The following SKAP2 variants were observed in gnomAD, a reference collection of about 807,000 sequenced individuals.
SKAP2 encodes the protein src kinase associated phosphoprotein 2, also known as src kinase-associated phosphoprotein 2.
Under a neutral mutation model 54.9 loss-of-function variants are expected in SKAP2, and 28 were observed. That is an observed-to-expected ratio of 0.51 (90% CI 0.38 to 0.70). SKAP2 has a LOEUF of 0.70. SKAP2 is among the 30% of genes least tolerant of loss of function. The pLI is 0.00. For missense variants in SKAP2, 356 were observed against 424.1 expected (o/e 0.84, Z 1.41); for synonymous variants, 137 against 134.3 (o/e 1.02, Z -0.14).
At chr7:26,763,711 A>C (rs1434230799) in intron 4 of SKAP2, among the ~76,000 whole-genome samples, 1 of 152,174 alleles carries the variant, frequency 6.6e-6, no homozygotes, top group Admixed American at 6.5e-5. Context: ...ATACATCATT[A>C]GGTGATTTTG....
chr7:26,680,190 G>A (rs1317427738), intron 11 of SKAP2, among the ~76,000 whole-genome samples: 1 of 152,140 alleles, frequency 6.6e-6, no homozygotes, highest in Non-Finnish European at 1.5e-5. Context: ...AATTAATGAT[G>A]AGTACAGATT....
intron 4 of SKAP2, among the ~76,000 whole-genome samples, chr7:26,759,889 G>A (rs1456128522): frequency 6.6e-6 from 1 of 152,088 alleles, no homozygotes; most frequent in East Asian, 1.9e-4. Flanking sequence ...AAAAGTGACA[G>A]TACTCAGCTA....
At chr7:26,857,634 C>G (rs1041344152) in intron 1 of SKAP2, 3 of 985,384 alleles carry the variant, frequency 3.0e-6, no homozygotes, top group Non-Finnish European at 1.2e-6. Context: ...CTCTGAGAAA[C>G]GCACTTCAGC....
rs930072902 is a variant in SKAP2 at position 26,807,714 on chromosome 7, T to C, written c.307+36316A>G. 1.1e-4 allele frequency among the ~76,000 whole-genome samples: 17 copies of C among 152,182 alleles called. No individual in the cohort carries two copies. The South Asian group carries it at 3.5e-3, about 31-fold the overall frequency. On this transcript the variant is annotated intron_variant, in intron 4 of 12. Transcript: ENST00000345317. ...TTTCATGGAAGGAAGAGTCAATCAATGTGGCAAAACTCACTGTTATCTTAC... is the reference window on the plus strand; with the variant it reads ...TTTCATGGAAGGAAGAGTCAATCAACGTGGCAAAACTCACTGTTATCTTAC...
At chr7:26,808,474 G>T (rs1410072087) in intron 4 of SKAP2, among the ~76,000 whole-genome samples, 2 of 152,130 alleles carry the variant, frequency 1.3e-5, no homozygotes, top group Non-Finnish European at 2.9e-5. Flanking sequence ...GGAGGTGGGT[G>T]AATGGGGAGT....
intron 4 of SKAP2, among the ~76,000 whole-genome samples, chr7:26,818,118 C>G (rs1215304627): frequency 6.6e-6 from 1 of 152,100 alleles, no homozygotes; most frequent in Non-Finnish European, 1.5e-5. Flanking sequence ...AAAAAAGAAC[C>G]CGTATAGCCA....
chr7:26,808,782 C>T (rs1395969386), intron 4 of SKAP2, among the ~76,000 whole-genome samples: 4 of 152,150 alleles, frequency 2.6e-5, no homozygotes, highest in Non-Finnish European at 2.9e-5. Flanking sequence ...ACAACAATGC[C>T]TACGGCAAAA....
At chr7:26,745,762 G>C (rs981004162) in intron 4 of SKAP2, among the ~76,000 whole-genome samples, 3 of 152,122 alleles carry the variant, frequency 2.0e-5, no homozygotes, top group Non-Finnish European at 2.9e-5. Flanking sequence ...TGATCTGCCT[G>C]CCTTGGCCTC....
chr7:26,735,794 C>A (rs1011742569), intron 6 of SKAP2, among the ~76,000 whole-genome samples: 1 of 152,000 alleles, frequency 6.6e-6, no homozygotes, highest in Non-Finnish European at 1.5e-5. Context: ...GACATATTTT[C>A]CTGGTAAGAA....
chr7:26,812,420 T>C (rs1055607075), intron 4 of SKAP2, among the ~76,000 whole-genome samples: 1 of 152,178 alleles, frequency 6.6e-6, no homozygotes, highest in African/African-American at 2.4e-5. Flanking sequence ...TTTTCTGTTG[T>C]TCATCTTAAA....
At chr7:26,754,349 G>A (rs757383928) in intron 4 of SKAP2, among the ~76,000 whole-genome samples, 4 of 108,844 alleles carry the variant, frequency 3.7e-5, no homozygotes, top group African/African-American at 1.7e-4. Context: ...GGGCAACACA[G>A]TGAGACTCCG....
At chr7:26,727,057 A>C in intron 6 of SKAP2, 51 bp from the exon 7 acceptor site, 1 of 1,392,862 alleles carries the variant, frequency 7.2e-7, no homozygotes, top group Non-Finnish European at 9.6e-7. Context: ...ATTAATGCTC[A>C]ATTATCTTTT....
intron 4 of SKAP2, among the ~76,000 whole-genome samples, chr7:26,753,278 G>T (rs910174069): frequency 1.3e-5 from 2 of 152,076 alleles, no homozygotes; most frequent in Non-Finnish European, 2.9e-5. Flanking sequence ...TTGAGCAAGG[G>T]GATCATAAGG....
chr7:26,833,195 C>T (rs1409073748), intron 4 of SKAP2, among the ~76,000 whole-genome samples: 1 of 151,908 alleles, frequency 6.6e-6, no homozygotes, highest in African/African-American at 2.4e-5. Context: ...GGGATCGAGA[C>T]CATCCTGGCT....
At chr7:26,773,135 T>C (rs3801854) in intron 4 of SKAP2, among the ~76,000 whole-genome samples, 57,910 of 152,072 alleles carry the variant, frequency 0.38, 11,613 homozygotes, top group Middle Eastern at 0.48. Flanking sequence ...AATTCAGGCA[T>C]GTAATTATGT....
intron 4 of SKAP2, among the ~76,000 whole-genome samples, chr7:26,793,957 A>G (rs780612562): frequency 5.3e-5 from 8 of 152,192 alleles, no homozygotes; most frequent in Non-Finnish European, 1.2e-4. Context: ...AAAGAAATCA[A>G]AGCCAGAGTA....
chr7:26,857,310 TAA>T (rs59046895), intron 1 of SKAP2: 37,304 of 90,786 alleles, frequency 0.41, 7,625 homozygotes, highest in Middle Eastern at 0.57. Context: ...CTGCTTTGCT[TAA>T]AAAAAAAAAA....
At chr7:26,772,535 T>G (rs7793663) in intron 4 of SKAP2, among the ~76,000 whole-genome samples, 57,682 of 152,130 alleles carry the variant, frequency 0.38, 11,542 homozygotes, top group Middle Eastern at 0.48. Context: ...TCCAGCTGCA[T>G]CCAAGTTGCT....
At chr7:26,855,272 G>GT (rs1584429287) in intron 1 of SKAP2, 2 of 155,842 alleles carry the variant, frequency 1.3e-5, no homozygotes, top group Admixed American at 1.3e-4. Flanking sequence ...CTAGTATTTT[G>GT]TAAGTTCCTG....
Sources: allele counts gnomAD v4.1 joint callset (sites outside exome capture counted in the v4.1 genomes callset), GRCh38; gene constraint gnomAD v4.1.1; transcripts MANE v1.5; gene names NCBI Gene and HGNC (gene_info 2026-07-23, HGNC 2026-07-21).